Variants in TPD52 observed in about 807,000 individuals in gnomAD.
TPD52 encodes the protein tumor protein D52.
TPD52 carries 17 observed loss-of-function variants against 31.3 expected under a neutral mutation model. The observed-to-expected ratio is 0.54, with a 90% CI of 0.37 to 0.82. The LOEUF (loss-of-function observed/expected upper bound fraction) is 0.82, where lower values mean the gene tolerates loss of function less well. TPD52 is among the 40% of genes least tolerant of loss of function. The pLI is 0.00. For missense variants in TPD52, 212 were observed against 240.1 expected (o/e 0.88, Z 0.77); for synonymous variants, 83 against 89.6 (o/e 0.93, Z 0.42).
intron 1 of TPD52, among the ~76,000 whole-genome samples, chr8:80,114,731 T>A (rs557527535): frequency 1.3e-5 from 2 of 152,216 alleles, no homozygotes; most frequent in Non-Finnish European, 2.9e-5. Context: ...GATGTAGCCC[T>A]TTCTGGCTGC....
chr8:80,121,668 A>G (rs1439435038), intron 1 of TPD52, among the ~76,000 whole-genome samples: 1 of 152,202 alleles, frequency 6.6e-6, no homozygotes, highest in Non-Finnish European at 1.5e-5. Context: ...CTGTGATTAC[A>G]TTCTTAGTGC....
At chr8:80,061,043 A>G (rs1159949514) in intron 2 of TPD52, among the ~76,000 whole-genome samples, 1 of 152,224 alleles carries the variant, frequency 6.6e-6, no homozygotes, top group Non-Finnish European at 1.5e-5. Flanking sequence ...CACAGATGAC[A>G]TGATTTCATA....
At chr8:80,149,212 G>A (rs1810408239) in intron 1 of TPD52, among the ~76,000 whole-genome samples, 1 of 152,142 alleles carries the variant, frequency 6.6e-6, no homozygotes, top group African/African-American at 2.4e-5. Context: ...AATCATGGGG[G>A]CGGATTTTTC....
chr8:80,046,601 T>C (rs1810875703), intron 5 of TPD52, among the ~76,000 whole-genome samples: 1 of 152,204 alleles, frequency 6.6e-6, no homozygotes, highest in South Asian at 2.1e-4. Context: ...ACCAGAATCA[T>C]CTCTAATAGA....
At chr8:80,101,624 C>T (rs961311137) in intron 1 of TPD52, among the ~76,000 whole-genome samples, 3 of 151,990 alleles carry the variant, frequency 2.0e-5, no homozygotes, top group Admixed American at 6.6e-5. Flanking sequence ...CTGTGAGGGT[C>T]GCAGGAAGCT....
At chr8:80,051,736 G>T (rs1374829862) in intron 3 of TPD52, 108 bp from the exon 4 acceptor site, 1 of 865,144 alleles carries the variant, frequency 1.2e-6, no homozygotes, top group Non-Finnish European at 1.7e-6. Context: ...CTCTCAAAAA[G>T]AGAAAACATT....
chr8:80,034,324 C>A (rs1809774115), downstream of TPD52, among the ~76,000 whole-genome samples: 1 of 151,972 alleles, frequency 6.6e-6, no homozygotes. Context: ...CAGCTGCACC[C>A]AGGAGCACAA....
intron 1 of TPD52, among the ~76,000 whole-genome samples, chr8:80,111,872 G>A (rs2370369): frequency 0.44 from 67,615 of 152,004 alleles, 15,519 homozygotes; most frequent in East Asian, 0.79. Flanking sequence ...AAATCTGAGT[G>A]ATATTTACTT....
chr8:80,038,395 C>T (rs1291267312), intron 7 of TPD52, among the ~76,000 whole-genome samples, 160 bp from the exon 8 acceptor site: 1 of 152,172 alleles, frequency 6.6e-6, no homozygotes, highest in Admixed American at 6.5e-5. Flanking sequence ...TTGCAATGTT[C>T]AGTGTGGTTT....
chr8:80,062,727 C>T (rs894535484), intron 2 of TPD52, among the ~76,000 whole-genome samples: 64 of 152,232 alleles, frequency 4.2e-4, no homozygotes, highest in African/African-American at 1.5e-3. Flanking sequence ...CTTTGGGAGG[C>T]TGAGGTGGGA....
intron 1 of TPD52, among the ~76,000 whole-genome samples, chr8:80,130,494 CT>C (rs997019433): frequency 1.3e-5 from 2 of 152,098 alleles, no homozygotes; most frequent in African/African-American, 4.8e-5. Flanking sequence ...TTCCAAAGAG[CT>C]ACTTAACCTT....
At chr8:80,166,299 A>G (rs1483671802) in intron 1 of TPD52, among the ~76,000 whole-genome samples, 1 of 151,970 alleles carries the variant, frequency 6.6e-6, no homozygotes. Flanking sequence ...GGCAAGAGAG[A>G]GAGACTCACT....
chr8:80,150,714 A>G (rs1024820689), intron 1 of TPD52, among the ~76,000 whole-genome samples: 13 of 152,108 alleles, frequency 8.5e-5, no homozygotes, highest in African/African-American at 3.1e-4. Context: ...TAGCCCCTCC[A>G]TATTGGCCAA....
rs145733590 is a variant in TPD52 at position 80,143,824 on chromosome 8, C to T, written c.19+27601G>A. Among the ~76,000 whole-genome samples the T allele has an allele frequency of 5.7e-4, 87 of 152,280 alleles. No homozygotes were observed. In the East Asian group the frequency reaches 0.011, roughly 20 times the overall value. On this transcript the variant is annotated intron_variant, in intron 1 of 7. Coordinates refer to ENST00000518937, the MANE Select transcript of TPD52 (RefSeq NM_001025253.3). ...CTAAACATTTATTAAGATTTTAGTA[C>T]ATTCCACCATATTAAACATCAAAGC...
At chr8:80,146,896 T>C (rs1810235124) in intron 1 of TPD52, among the ~76,000 whole-genome samples, 2 of 152,164 alleles carry the variant, frequency 1.3e-5, no homozygotes, top group Non-Finnish European at 2.9e-5. Context: ...TCCCATGCTA[T>C]ATAGCATTCC....
intron 1 of TPD52, among the ~76,000 whole-genome samples, chr8:80,088,191 C>T (rs908099771): frequency 3.3e-5 from 5 of 152,172 alleles, no homozygotes; most frequent in Non-Finnish European, 7.3e-5. Flanking sequence ...GCCAGTCCCT[C>T]ACATCTAATG....
intron 1 of TPD52, among the ~76,000 whole-genome samples, chr8:80,085,603 C>T (rs796227465): frequency 7.3e-5 from 11 of 151,340 alleles, no homozygotes; most frequent in Admixed American, 4.6e-4. Flanking sequence ...ACAATCAGGC[C>T]GCCAAAAAAA....
intron 1 of TPD52, among the ~76,000 whole-genome samples, chr8:80,154,945 T>C (rs149538615): frequency 6.6e-6 from 1 of 151,420 alleles, no homozygotes; most frequent in East Asian, 1.9e-4. Context: ...AATTGTTTTT[T>C]GGGGTTGTTT....
intron 1 of TPD52, among the ~76,000 whole-genome samples, chr8:80,137,937 C>CTTTTCTTTTTT (rs759705313): frequency 6.6e-6 from 1 of 151,650 alleles, no homozygotes; most frequent in Non-Finnish European, 1.5e-5. Context: ...GACCCCGTCT[C>CTTTTCTTTTTT]TTTTCTTTTT....
Sources: allele counts gnomAD v4.1 joint callset (sites outside exome capture counted in the v4.1 genomes callset), GRCh38; gene constraint gnomAD v4.1.1; transcripts MANE v1.5; gene names NCBI Gene and HGNC (gene_info 2026-07-23, HGNC 2026-07-21).